The following CNTNAP2 variants were observed in gnomAD, a reference collection of about 807,000 sequenced individuals.
CNTNAP2 encodes contactin-associated protein-like 2.
In CNTNAP2, 98 loss-of-function variants were observed where a neutral mutation model predicts 155.2. The observed-to-expected ratio is 0.63, with a 90% CI of 0.54 to 0.75. CNTNAP2 has a LOEUF of 0.75. CNTNAP2 is among the 30% of genes least tolerant of loss of function. The pLI, the probability that CNTNAP2 is intolerant of heterozygous loss-of-function variation, is 0.00. For synonymous variants in CNTNAP2, 651 were observed against 631.2 expected (o/e 1.03, Z -0.47); for missense variants, 1,727 against 1,688.1 (o/e 1.02, Z -0.40).
intron 15 of CNTNAP2, among the ~76,000 whole-genome samples, chr7:148,075,548 A>G (rs1295998020): frequency 6.6e-6 from 1 of 152,190 alleles, no homozygotes; most frequent in Non-Finnish European, 1.5e-5. Context: ...TCTCTGAAGG[A>G]GTAAGAGAGT....
At chr7:146,422,562 C>G (rs1001429303) in intron 1 of CNTNAP2, among the ~76,000 whole-genome samples, 1 of 151,870 alleles carries the variant, frequency 6.6e-6, no homozygotes, top group Non-Finnish European at 1.5e-5. Context: ...CAAAGCATGA[C>G]AATTTGTAAG....
intron 13 of CNTNAP2, among the ~76,000 whole-genome samples, chr7:147,762,545 T>A (rs894913325): frequency 5.9e-5 from 9 of 151,966 alleles, no homozygotes; most frequent in Middle Eastern, 3.4e-3. Context: ...CATTTCCAGA[T>A]GCTTTTTTTT....
intron 13 of CNTNAP2, among the ~76,000 whole-genome samples, chr7:147,658,758 C>A (rs988572833): frequency 1.7e-4 from 26 of 152,176 alleles, no homozygotes; most frequent in Non-Finnish European, 2.9e-4. Flanking sequence ...GATGGCTATG[C>A]ACAAACTTGA....
At chr7:147,737,469 C>T (rs946667927) in intron 13 of CNTNAP2, among the ~76,000 whole-genome samples, 2 of 152,154 alleles carry the variant, frequency 1.3e-5, no homozygotes, top group Non-Finnish European at 2.9e-5. Flanking sequence ...ACTCCTGGGT[C>T]AGGGACCCAC....
chr7:147,245,914 CATAT>C (rs950327049), intron 8 of CNTNAP2, among the ~76,000 whole-genome samples: 1 of 150,596 alleles, frequency 6.6e-6, no homozygotes, highest in African/African-American at 2.4e-5. Flanking sequence ...TGTGTATACA[CATAT>C]ATATGCACAC....
At chr7:146,524,026 G>A (rs180993641) in intron 1 of CNTNAP2, among the ~76,000 whole-genome samples, 50 of 152,196 alleles carry the variant, frequency 3.3e-4, no homozygotes, top group Middle Eastern at 3.4e-3. Flanking sequence ...AATTCCAGAT[G>A]GGCATCAAGC....
At chr7:147,824,719 T>C (rs1250590038) in intron 13 of CNTNAP2, among the ~76,000 whole-genome samples, 1 of 141,848 alleles carries the variant, frequency 7.0e-6, no homozygotes, top group East Asian at 2.0e-4. Context: ...AAAAACCCTC[T>C]TTTACCAGCT....
intron 2 of CNTNAP2, among the ~76,000 whole-genome samples, chr7:146,800,883 AT>A (rs1345309850): frequency 6.6e-6 from 1 of 151,954 alleles, no homozygotes; most frequent in African/African-American, 2.4e-5. Context: ...GGAGTAGAGA[AT>A]TTTTTCCCAC....
intron 15 of CNTNAP2, among the ~76,000 whole-genome samples, chr7:148,054,659 G>A (rs1802974906): frequency 6.6e-6 from 1 of 151,870 alleles, no homozygotes; most frequent in Non-Finnish European, 1.5e-5. Context: ...CTAACTCCAG[G>A]ATGTGTTCAC....
chr7:147,036,566 C>T (rs1799154892), intron 3 of CNTNAP2, among the ~76,000 whole-genome samples: 1 of 151,886 alleles, frequency 6.6e-6, no homozygotes. Context: ...AATAATAAAC[C>T]CTATTCTAAG....
intron 1 of CNTNAP2, among the ~76,000 whole-genome samples, chr7:146,428,318 C>T (rs1796122013): frequency 6.6e-6 from 1 of 152,112 alleles, no homozygotes; most frequent in Non-Finnish European, 1.5e-5. Context: ...GAAGAAACAC[C>T]ACGTTGTCTT....
chr7:148,366,142 GTGTATGCA>G lies in CNTNAP2; in HGVS notation c.3476-17492_3476-17485del, dbSNP rs1182427795. ...TATGTGTATGCATGTATGCATGTAT[GTGTATGCA>G]TGTATGCATGTATGTGTGTGCATGT... On this transcript the variant is annotated intron_variant, in intron 21 of 23. Transcript: ENST00000361727. 2.6e-3 allele frequency among the ~76,000 whole-genome samples: 65 copies of G among 25,386 alleles called. 32 individuals carry two copies. Among genetic ancestry groups the G allele is most frequent in the Admixed American group, 0.012 (18 of 1,474 alleles). The allele number at this position is 25,386 out of a possible 152,430, so 16.7% of individuals were successfully genotyped here. A position where few individuals can be genotyped will look rare whatever the true frequency, so the allele number is the denominator to read the frequency against.
At chr7:147,119,866 C>G (rs1369839315) in intron 5 of CNTNAP2, among the ~76,000 whole-genome samples, 1 of 152,024 alleles carries the variant, frequency 6.6e-6, no homozygotes, top group East Asian at 1.9e-4. Context: ...TTCTGAAACC[C>G]TATTATATTT....
chr7:148,158,741 C>A (rs1468763657), intron 17 of CNTNAP2, among the ~76,000 whole-genome samples: 1 of 152,196 alleles, frequency 6.6e-6, no homozygotes, highest in Non-Finnish European at 1.5e-5. Flanking sequence ...CCAACATCCT[C>A]ATGGCAATTG....
chr7:147,940,303 TAAAAAAAAA>T (rs59484615), intron 14 of CNTNAP2: 3 of 91,694 alleles, frequency 3.3e-5, no homozygotes, highest in African/African-American at 7.6e-5. Context: ...CCTGTCTCTT[TAAAAAAAAA>T]AAAAAAAAAA....
At chr7:146,174,687 C>T (rs1798444768) in intron 1 of CNTNAP2, among the ~76,000 whole-genome samples, 1 of 151,904 alleles carries the variant, frequency 6.6e-6, no homozygotes, top group Admixed American at 6.6e-5. Context: ...ACTAAGAACA[C>T]AGAAATTAGC....
intron 9 of CNTNAP2, among the ~76,000 whole-genome samples, chr7:147,352,335 TCTTG>T (rs1184005211): frequency 1.3e-5 from 2 of 151,984 alleles, no homozygotes; most frequent in Non-Finnish European, 2.9e-5. Flanking sequence ...TGGCAGAGGA[TCTTG>T]CTTCCCTCAG....
chr7:147,428,140 A>G (rs1797409883), intron 10 of CNTNAP2, among the ~76,000 whole-genome samples: 1 of 152,148 alleles, frequency 6.6e-6, no homozygotes, highest in South Asian at 2.1e-4. Context: ...CATTGGATGA[A>G]TGATGAACTG....
intron 9 of CNTNAP2, among the ~76,000 whole-genome samples, chr7:147,300,875 G>C (rs1653181817): frequency 1.3e-5 from 2 of 151,990 alleles, no homozygotes; most frequent in Non-Finnish European, 1.5e-5. Context: ...CCTCTCCCGG[G>C]GGTCACTGGG....
Sources: allele counts gnomAD v4.1 joint callset (sites outside exome capture counted in the v4.1 genomes callset), GRCh38; gene constraint gnomAD v4.1.1; transcripts MANE v1.5; gene names NCBI Gene and HGNC (gene_info 2026-07-23, HGNC 2026-07-21).